Variants in TNNI3K observed in about 807,000 individuals in gnomAD.
TNNI3K encodes TNNI3 interacting kinase, also known as serine/threonine-protein kinase TNNI3K.
Under a neutral mutation model 114.5 loss-of-function variants are expected in TNNI3K, and 140 were observed. That is an observed-to-expected ratio of 1.22 (90% CI 1.07 to 1.41). The LOEUF (loss-of-function observed/expected upper bound fraction) is 1.41, where lower values mean the gene tolerates loss of function less well. Ranked by LOEUF, TNNI3K falls within the 40% of genes most tolerant of loss-of-function variation. The pLI is 0.00. For synonymous variants in TNNI3K, 347 were observed against 347.5 expected (o/e 1.00, Z 0.02); for missense variants, 1,125 against 1,007.6 (o/e 1.12, Z -1.58).
intron 5 of TNNI3K, among the ~76,000 whole-genome samples, chr1:74,275,912 A>C (rs1656655874): frequency 6.6e-6 from 1 of 152,114 alleles, no homozygotes; most frequent in Non-Finnish European, 1.5e-5. Flanking sequence ...TCTTTAAAGA[A>C]AATTAGAAGA....
At chr1:74,453,956 A>G (rs2100703744) in intron 20 of TNNI3K, among the ~76,000 whole-genome samples, 1 of 152,326 alleles carries the variant, frequency 6.6e-6, no homozygotes, top group Non-Finnish European at 1.5e-5. Context: ...CATTTTAAAG[A>G]AAATATGTTT....
chr1:74,335,791 T>G lies in TNNI3K; in HGVS notation c.544-220T>G, dbSNP rs150154148. ...TCTCTTACTACCATGAGTTGATCTATCCTACTTGCTGAGCATGGCAGAACA... is the reference window on the plus strand; with the variant it reads ...TCTCTTACTACCATGAGTTGATCTAGCCTACTTGCTGAGCATGGCAGAACA... On this transcript the variant is annotated intron_variant, in intron 6 of 24. Coordinates refer to ENST00000326637, the MANE Select transcript of TNNI3K (RefSeq NM_015978.3). Among the ~76,000 whole-genome samples, 922 of 152,308 alleles carry G rather than the reference T, an allele frequency of 6.1e-3. 11 individuals carry two copies. The highest frequency in any genetic ancestry group is 0.021 in the African/African-American group (882 of 41,560).
intron 5 of TNNI3K, among the ~76,000 whole-genome samples, chr1:74,321,865 G>A (rs1570463647): frequency 1.3e-5 from 2 of 151,886 alleles, no homozygotes; most frequent in African/African-American, 4.8e-5. Context: ...GAAAATAATA[G>A]TCATTACAAA....
intron 17 of TNNI3K, among the ~76,000 whole-genome samples, chr1:74,400,789 A>G (rs1328153952): frequency 1.3e-5 from 2 of 152,212 alleles, no homozygotes; most frequent in Non-Finnish European, 1.5e-5. Context: ...TTGACTCTTC[A>G]TGTACCCCAG....
chr1:74,347,987 A>C (rs1661112091), intron 9 of TNNI3K, among the ~76,000 whole-genome samples: 1 of 152,108 alleles, frequency 6.6e-6, no homozygotes, highest in Non-Finnish European at 1.5e-5. Context: ...GCTGTGCAGA[A>C]GTTCTTTAGT....
chr1:74,308,633 G>A (rs901837777), intron 5 of TNNI3K, among the ~76,000 whole-genome samples: 1 of 151,900 alleles, frequency 6.6e-6, no homozygotes. Flanking sequence ...AAAGATAGAA[G>A]AAGAAAAGAA....
At chr1:74,540,608 A>T (rs4995831) in intron 24 of TNNI3K, among the ~76,000 whole-genome samples, 1,170 of 19,116 alleles carry the variant, frequency 0.061, 12 homozygotes, top group African/African-American at 0.17. Context: ...TCTTTTTTTA[A>T]AAAAAAAAAA....
chr1:74,336,161 T>C lies in TNNI3K; in HGVS notation c.682+12T>C, dbSNP rs1660452408. 2 of 1,590,310 alleles carry C rather than the reference T, an allele frequency of 1.3e-6. No homozygotes were observed. The highest frequency in any genetic ancestry group is 1.9e-5 in the Admixed American group (1 of 52,202). ...CAGCAAAGCAGATGGTAAGATTATA[T>C]ATTTAAAAGACCTTTGCTATCATTT... is the stretch of plus-strand genomic sequence containing the variant. On this transcript the variant is annotated intron_variant, in intron 7 of 24. Transcript: ENST00000326637.
chr1:74,415,233 TAGTG>T (rs1206154461), intron 17 of TNNI3K, among the ~76,000 whole-genome samples: 1 of 152,124 alleles, frequency 6.6e-6, no homozygotes, highest in Non-Finnish European at 1.5e-5. Context: ...ATTATCCTAT[TAGTG>T]AGTCCTTCCC....
At chr1:74,459,384 A>G (rs1667354188) in intron 20 of TNNI3K, among the ~76,000 whole-genome samples, 2 of 152,232 alleles carry the variant, frequency 1.3e-5, no homozygotes, top group South Asian at 2.1e-4. Flanking sequence ...ACATGTTATG[A>G]TAGTACAGGT....
intron 20 of TNNI3K, among the ~76,000 whole-genome samples, chr1:74,459,327 T>C (rs573655192): frequency 3.9e-5 from 6 of 152,218 alleles, no homozygotes; most frequent in Non-Finnish European, 8.8e-5. Flanking sequence ...AAGGCATTTA[T>C]GATCTATATG....
At chr1:74,246,051 A>G (rs1023882117) in intron 2 of TNNI3K, among the ~76,000 whole-genome samples, 8 of 152,202 alleles carry the variant, frequency 5.3e-5, no homozygotes, top group East Asian at 1.9e-4. Flanking sequence ...TCTATCAGCA[A>G]TTTCCCTCAG....
At chr1:74,378,625 T>TATATAATATAAATAA (rs1269273680) in intron 17 of TNNI3K, 2 of 88,194 alleles carry the variant, frequency 2.3e-5, no homozygotes, top group Non-Finnish European at 4.8e-5. Context: ...TATATATATA[T>TATATAATATAAATAA]ATATATATAT....
intron 2 of TNNI3K, among the ~76,000 whole-genome samples, chr1:74,245,339 C>T (rs963324287): frequency 2.6e-5 from 4 of 152,176 alleles, no homozygotes; most frequent in African/African-American, 9.7e-5. Context: ...AAATCCTTGT[C>T]TTTGTCTGAA....
At chr1:74,497,076 G>T (rs1570701684) in intron 23 of TNNI3K, among the ~76,000 whole-genome samples, 1 of 152,238 alleles carries the variant, frequency 6.6e-6, no homozygotes, top group East Asian at 1.9e-4. Flanking sequence ...TCTTTAAATA[G>T]CTTGCCTAGT....
At chr1:74,367,809 T>C in intron 12 of TNNI3K, 99 bp from the exon 13 acceptor site, 1 of 1,155,944 alleles carries the variant, frequency 8.7e-7, no homozygotes, top group Non-Finnish European at 1.2e-6. Flanking sequence ...AGCGATAGTT[T>C]TACTTCGTTT....
intron 5 of TNNI3K, among the ~76,000 whole-genome samples, chr1:74,288,443 A>G (rs989035018): frequency 6.6e-6 from 1 of 152,160 alleles, no homozygotes; most frequent in African/African-American, 2.4e-5. Context: ...TTATCTTAAA[A>G]TGAAGAAAAT....
chr1:74,236,129 C>A lies in TNNI3K; in HGVS notation c.68C>A (p.Ser23Ter). Reference sequence around the variant, plus strand: ...GAATGGAAGAAAAAAGTCAGTGAATCATATGTTATCACAATAGAAAGATTA... The same window carrying A: ...GAATGGAAGAAAAAAGTCAGTGAATAATATGTTATCACAATAGAAAGATTA... Reference protein sequence around the residue: ...TDEWKKKVSESYVITIERLED... With the variant: ...TDEWKKKVSE Residue 23 changes from serine (S) to a stop codon, truncating the protein, a stop_gained, in exon 2 of 25, where the codon TCA (serine) becomes TAA (stop). Transcript: ENST00000326637. LOFTEE classifies it high-confidence loss of function. 1 of 1,607,040 alleles carries A rather than the reference C, an allele frequency of 6.2e-7. No individual in the cohort carries two copies. Among genetic ancestry groups the A allele is most frequent in the South Asian group, 1.1e-5 (1 of 90,522 alleles).
At chr1:74,433,491 AGAG>A (rs1665985454) in intron 17 of TNNI3K, among the ~76,000 whole-genome samples, 2 of 152,176 alleles carry the variant, frequency 1.3e-5, no homozygotes, top group African/African-American at 4.8e-5. Flanking sequence ...CTGAGTGGTT[AGAG>A]AAGGAGTGGA....
Sources: allele counts gnomAD v4.1 joint callset (sites outside exome capture counted in the v4.1 genomes callset), GRCh38; gene constraint gnomAD v4.1.1; transcripts MANE v1.5; gene names NCBI Gene and HGNC (gene_info 2026-07-23, HGNC 2026-07-21).